The following SASH1 variants were observed in gnomAD, a reference collection of about 807,000 sequenced individuals.
SASH1 encodes SAM and SH3 domain-containing protein 1.
SASH1 carries 44 observed loss-of-function variants against 125.2 expected under a neutral mutation model. That is an observed-to-expected ratio of 0.35 (90% CI 0.28 to 0.45). The LOEUF (loss-of-function observed/expected upper bound fraction) is 0.45, where lower values mean the gene tolerates loss of function less well. Ranked by LOEUF, SASH1 falls within the 20% of genes least tolerant of loss-of-function variation. The probability of loss-of-function intolerance (pLI) is 1.00; values close to 1 mark genes in which losing one functional copy is unlikely to be tolerated. For synonymous variants in SASH1, 639 were observed against 649.1 expected (o/e 0.98, Z 0.24); for missense variants, 1,426 against 1,614.5 (o/e 0.88, Z 2.00).
intron 1 of SASH1, among the ~76,000 whole-genome samples, chr6:148,333,884 G>A (rs1361628179): frequency 6.6e-6 from 1 of 151,914 alleles, no homozygotes; most frequent in South Asian, 2.1e-4. Flanking sequence ...CTGCAGTGGC[G>A]TGATCTCAGC....
intron 1 of SASH1, among the ~76,000 whole-genome samples, chr6:148,303,403 GA>G (rs2128514720): frequency 6.6e-6 from 1 of 152,208 alleles, no homozygotes; most frequent in Non-Finnish European, 1.5e-5. Context: ...TAAGACTCAA[GA>G]TAAAGGAATC....
intron 7 of SASH1, among the ~76,000 whole-genome samples, chr6:148,482,087 G>A (rs1273984189): frequency 6.6e-6 from 1 of 152,186 alleles, no homozygotes; most frequent in Non-Finnish European, 1.5e-5. Context: ...GAAGCTATAG[G>A]TTATTCATTT....
chr6:148,519,057 T>C lies in SASH1; in HGVS notation c.863-490T>C, dbSNP rs186659757. Among the ~76,000 whole-genome samples the C allele has an allele frequency of 1.1e-3, 164 of 152,348 alleles. No individual in the cohort carries two copies. Among genetic ancestry groups the C allele is most frequent in the Non-Finnish European group, 1.9e-3 (126 of 68,022 alleles). ...CTCCCCACCAAAACTTCCTTGGAGA[T>C]TTAGTCACTCAAATGGCATATGTAC... On this transcript the variant is annotated intron_variant, in intron 9 of 19. Coordinates refer to ENST00000367467, the MANE Select transcript of SASH1 (RefSeq NM_015278.5). The surrounding 1 kb of genome is among the most constrained non-coding windows in gnomAD (Gnocchi z 4.8).
chr6:148,313,145 T>C (rs1780381277), intron 1 of SASH1, among the ~76,000 whole-genome samples: 1 of 152,158 alleles, frequency 6.6e-6, no homozygotes, highest in Non-Finnish European at 1.5e-5. Flanking sequence ...GGGAACTACA[T>C]TAGCAGAGAC....
intron 8 of SASH1, among the ~76,000 whole-genome samples, chr6:148,508,236 A>G (rs151270923): frequency 2.0e-5 from 3 of 152,358 alleles, no homozygotes; most frequent in African/African-American, 7.2e-5. Flanking sequence ...GGAGAAAACC[A>G]CAATCATAAG....
the SASH1 span, among the ~76,000 whole-genome samples, chr6:148,213,848 C>T: frequency 2.6e-5 from 4 of 152,154 alleles, no homozygotes; most frequent in African/African-American, 9.7e-5. Flanking sequence ...CAGCTGGCAT[C>T]TTAACTGTCT....
rs1447410715 is a variant in SASH1 at position 148,529,319 on chromosome 6, T to G, written c.1428+1723T>G. 1.3e-5 allele frequency among the ~76,000 whole-genome samples: 2 copies of G among 152,202 alleles called. No individual in the cohort carries two copies. Among genetic ancestry groups the G allele is most frequent in the Admixed American group, 1.3e-4 (2 of 15,292 alleles). On this transcript the variant is annotated intron_variant, in intron 12 of 19. Transcript: ENST00000367467. This position sits in a 1 kb window ranked among gnomAD's most constrained non-coding sequence, Gnocchi z 4.2. ...AAGAGCTGTCCATCAAAATGATCAG[T>G]GCTCAGGCTGAGAAACCGTGGCTTG...
At chr6:148,225,261 GA>G in the SASH1 span, among the ~76,000 whole-genome samples, 1 of 152,146 alleles carries the variant, frequency 6.6e-6, no homozygotes, top group African/African-American at 2.4e-5. Flanking sequence ...TACACTTACA[GA>G]AGTAATTTAT....
intron 1 of SASH1, among the ~76,000 whole-genome samples, chr6:148,350,522 C>T (rs977650801): frequency 2.6e-5 from 4 of 152,148 alleles, no homozygotes; most frequent in African/African-American, 9.7e-5. Flanking sequence ...ATTTGCAAAT[C>T]CGTAGCTCAA....
intron 9 of SASH1, 38 bp downstream of exon 9, chr6:148,514,494 T>G (rs751814616): frequency 1.9e-6 from 2 of 1,074,178 alleles, no homozygotes; most frequent in Non-Finnish European, 2.4e-6. Flanking sequence ...AAAGGCAGAC[T>G]CCACCCTGGT....
chr6:148,507,924 C>T (rs897846120), intron 8 of SASH1, among the ~76,000 whole-genome samples: 8 of 152,290 alleles, frequency 5.3e-5, no homozygotes, highest in South Asian at 2.1e-4. Context: ...TTGCAGCCCA[C>T]GTCATGGAGA....
intron 19 of SASH1, among the ~76,000 whole-genome samples, 183 bp downstream of exon 19, chr6:148,546,329 A>T (rs978842624): frequency 2.0e-5 from 3 of 152,242 alleles, no homozygotes; most frequent in Admixed American, 6.5e-5. Flanking sequence ...AAAGAAAAAA[A>T]AAATGAAAAT....
At chr6:148,235,792 A>G in the SASH1 span, among the ~76,000 whole-genome samples, 1 of 152,186 alleles carries the variant, frequency 6.6e-6, no homozygotes. Context: ...CTCTTCCACA[A>G]TGGCCTTAAA....
intron 1 of SASH1, among the ~76,000 whole-genome samples, chr6:148,333,710 C>T (rs1036807521): frequency 6.6e-6 from 1 of 151,908 alleles, no homozygotes; most frequent in Non-Finnish European, 1.5e-5. Flanking sequence ...TACAGGCATG[C>T]GCCACCACAC....
At chr6:148,356,605 G>A (rs1781955094) in intron 1 of SASH1, among the ~76,000 whole-genome samples, 1 of 147,778 alleles carries the variant, frequency 6.8e-6, no homozygotes, top group Non-Finnish European at 1.5e-5. Context: ...AAGTAGCTGG[G>A]ATTACAGGCA....
In SASH1 at chr6:148,519,643, C is replaced by T. The variant is rs1219552561; in HGVS notation, c.959C>T (p.Ser320Phe). The T allele has an allele frequency of 2.4e-5, 38 of 1,614,026 alleles. No individual in the cohort carries two copies. Among genetic ancestry groups the T allele is most frequent in the Non-Finnish European group, 3.1e-5 (36 of 1,180,030 alleles). Reference protein sequence around the residue: ...VHKKPLFFDGSPEKPPEDDSD... With the variant: ...VHKKPLFFDGFPEKPPEDDSD... Reference sequence around the variant, plus strand: ...AAGAAGCCCCTTTTCTTTGATGGCTCTCCTGAGAAACCTCCCGAAGATGAC... The same window carrying T: ...AAGAAGCCCCTTTTCTTTGATGGCTTTCCTGAGAAACCTCCCGAAGATGAC... Residue 320 changes from serine (S) to phenylalanine (F), a missense_variant, in exon 10 of 20, where the codon TCT (serine) becomes TTT (phenylalanine). By Grantham distance (155) the Ser-to-Phe change is radical. This residue lies in a region of SASH1 where 567 missense variants were observed against 575.6 expected (regional missense o/e 0.99). Transcript: ENST00000367467. The surrounding 1 kb of genome is among the most constrained non-coding windows in gnomAD (Gnocchi z 4.8).
At chr6:148,308,212 T>C (rs73788039) in intron 1 of SASH1, among the ~76,000 whole-genome samples, 3,090 of 152,126 alleles carry the variant, frequency 0.02, 99 homozygotes, top group African/African-American at 0.071. Flanking sequence ...TGTATATATG[T>C]ATCGCACCTT....
chr6:148,534,691 C>G (rs934849790), intron 15 of SASH1, 60 bp from the exon 16 acceptor site: 1 of 1,545,174 alleles, frequency 6.5e-7, no homozygotes, highest in Admixed American at 1.7e-5. Flanking sequence ...TAGTTGTTGG[C>G]GGTGTTATCA....
rs1373045977 is a variant in SASH1 at position 148,307,084 on chromosome 6, CTT to C, written n.74+34709_74+34710del. On this transcript the variant is annotated intron_variant and non_coding_transcript_variant, in intron 1 of 3. Transcript: ENST00000367469. ...TCTTTCTTTCTTTCTTTCTTTCTTTCTTTCTTTCTTTCTCTCTCTCTGTCTCT... is the reference window on the plus strand; with the variant it reads ...TCTTTCTTTCTTTCTTTCTTTCTTTCTCTTTCTTTCTCTCTCTCTGTCTCT... 4.2e-5 allele frequency among the ~76,000 whole-genome samples: 6 copies of C among 142,642 alleles called. No individual in the cohort carries two copies. The East Asian group carries it at 8.0e-4, about 19-fold the overall frequency. 93.6% of individuals were successfully genotyped at this position (142,642 alleles called of 152,430 possible). A position where few individuals can be genotyped will look rare whatever the true frequency, so the allele number is the denominator to read the frequency against.
Sources: allele counts gnomAD v4.1 joint callset (sites outside exome capture counted in the v4.1 genomes callset), GRCh38; gene constraint gnomAD v4.1.1; regional missense constraint gnomAD v4.1.1; non-coding constraint Gnocchi (gnomAD v3.1); transcripts MANE v1.5; gene names NCBI Gene and HGNC (gene_info 2026-07-23, HGNC 2026-07-21).